Variants in LRP1B observed in about 807,000 individuals in gnomAD.
The protein encoded by LRP1B is LDL receptor related protein 1B.
LRP1B carries 217 observed loss-of-function variants against 556.6 expected under a neutral mutation model. The observed-to-expected ratio is 0.39, with a 90% CI of 0.35 to 0.44. The LOEUF (loss-of-function observed/expected upper bound fraction) is 0.44, where lower values mean the gene tolerates loss of function less well. LRP1B is among the 20% of genes least tolerant of loss of function. LRP1B has a pLI of 1.00. For synonymous variants in LRP1B, 2,047 were observed against 1,865.8 expected (o/e 1.10, Z -2.50); for missense variants, 5,053 against 5,620.8 (o/e 0.90, Z 3.23).
intron 60 of LRP1B, among the ~76,000 whole-genome samples, chr2:140,468,846 C>G (rs1573973066): frequency 6.6e-6 from 1 of 152,184 alleles, no homozygotes; most frequent in East Asian, 1.9e-4. Flanking sequence ...TCCATTACCT[C>G]TTTCTTCTTT....
intron 10 of LRP1B, among the ~76,000 whole-genome samples, chr2:141,050,132 T>C (rs1384864233): frequency 6.6e-6 from 1 of 151,794 alleles, no homozygotes; most frequent in African/African-American, 2.4e-5. Context: ...CTCAGCTGTA[T>C]TTGGATAACA....
At chr2:141,945,728 C>A (rs1374950739) in intron 1 of LRP1B, among the ~76,000 whole-genome samples, 1 of 151,978 alleles carries the variant, frequency 6.6e-6, no homozygotes, top group Non-Finnish European at 1.5e-5. Context: ...CCCTGCCTCC[C>A]CCATTCCAAG....
intron 27 of LRP1B, 115 bp from the exon 28 acceptor site, chr2:140,851,898 C>T: frequency 1.2e-6 from 1 of 801,966 alleles, no homozygotes; most frequent in Non-Finnish European, 1.9e-6. Context: ...CTACATAGAA[C>T]CCATTAGTAG....
chr2:141,327,725 T>TC lies in LRP1B; in HGVS notation c.344-73085dup, dbSNP rs1173126751. ...AATGTTGAAAGTATAGTCTGCCTTT[T>TC]CCTCTTTTCTATATTGCTGGACAGA... On this transcript the variant is annotated intron_variant, in intron 3 of 90. Transcript: ENST00000389484. Among the ~76,000 whole-genome samples, 19 of 152,300 alleles carry TC rather than the reference T, an allele frequency of 1.2e-4. No homozygotes were observed. The East Asian group carries it at 3.7e-3, about 29-fold the overall frequency.
At chr2:140,886,623 TG>T (rs1693643544) in intron 23 of LRP1B, among the ~76,000 whole-genome samples, 1 of 106,634 alleles carries the variant, frequency 9.4e-6, no homozygotes, top group East Asian at 3.2e-4. Flanking sequence ...GAGGATTTTC[TG>T]TTTTTTTTTT....
chr2:141,044,110 A>C (rs574119422), intron 11 of LRP1B, among the ~76,000 whole-genome samples: 253 of 151,902 alleles, frequency 1.7e-3, no homozygotes, highest in Middle Eastern at 3.4e-3. Flanking sequence ...CTCAGAAATA[A>C]CGCCGCATAT....
At chr2:140,481,989 T>G (rs1020761833) in intron 59 of LRP1B, among the ~76,000 whole-genome samples, 11 of 152,176 alleles carry the variant, frequency 7.2e-5, no homozygotes, top group Non-Finnish European at 1.3e-4. Flanking sequence ...AGCTACTTCT[T>G]ACTCTACCAT....
At chr2:141,443,296 ATTTG>A (rs1188262829) in intron 3 of LRP1B, among the ~76,000 whole-genome samples, 14 of 152,108 alleles carry the variant, frequency 9.2e-5, no homozygotes, top group Non-Finnish European at 1.5e-4. Context: ...TTTCTTGTAA[ATTTG>A]TTTAAGTTTC....
At chr2:141,620,739 A>G (rs1381933510) in intron 2 of LRP1B, among the ~76,000 whole-genome samples, 2 of 152,056 alleles carry the variant, frequency 1.3e-5, no homozygotes, top group Admixed American at 6.6e-5. Flanking sequence ...TGTTTTTACC[A>G]CTGTTTTGTT....
chr2:141,230,836 A>C (rs1206182199), intron 5 of LRP1B, among the ~76,000 whole-genome samples: 1 of 152,202 alleles, frequency 6.6e-6, no homozygotes, highest in Non-Finnish European at 1.5e-5. Flanking sequence ...TTATCGTCTA[A>C]AAATCTTAAG....
chr2:140,400,665 G>C (rs1208064551), intron 66 of LRP1B, among the ~76,000 whole-genome samples: 1 of 152,270 alleles, frequency 6.6e-6, no homozygotes, highest in East Asian at 1.9e-4. Flanking sequence ...ATAACGTGTA[G>C]AGATTCACAG....
intron 7 of LRP1B, among the ~76,000 whole-genome samples, chr2:141,185,689 A>AAC (rs988585904): frequency 9.1e-5 from 13 of 142,180 alleles, no homozygotes; most frequent in East Asian, 2.0e-4. Context: ...CAAACAAACA[A>AAC]AAAAAAACAA....
intron 43 of LRP1B, 64 bp from the exon 44 acceptor site, chr2:140,542,035 A>AT (rs1680156344): frequency 1.6e-5 from 17 of 1,065,890 alleles, no homozygotes; most frequent in Non-Finnish European, 2.2e-5. Context: ...GTCCACACCT[A>AT]TTTTTGCTTC....
intron 6 of LRP1B, 53 bp from the exon 7 acceptor site, chr2:141,188,636 G>A (rs1681367896): frequency 2.0e-6 from 3 of 1,491,402 alleles, no homozygotes; most frequent in Non-Finnish European, 2.8e-6. Context: ...CTAGCATCAT[G>A]ATCCAAAAAT....
chr2:140,265,659 T>A (rs943266594), intron 86 of LRP1B, among the ~76,000 whole-genome samples: 2 of 152,120 alleles, frequency 1.3e-5, no homozygotes, highest in African/African-American at 4.8e-5. Flanking sequence ...AAGCAAGCAC[T>A]ATACTGTATC....
At chr2:140,786,644 A>C (rs766632254) in intron 32 of LRP1B, among the ~76,000 whole-genome samples, 11 of 152,148 alleles carry the variant, frequency 7.2e-5, no homozygotes, top group Non-Finnish European at 1.2e-4. Context: ...AGGACAATGA[A>C]GGTAAGATGG....
intron 7 of LRP1B, among the ~76,000 whole-genome samples, chr2:141,132,923 T>C (rs1011830503): frequency 2.6e-5 from 4 of 152,026 alleles, no homozygotes; most frequent in African/African-American, 7.2e-5. Context: ...GTATTATTTC[T>C]CTTGCACAAT....
chr2:141,476,146 G>A (rs926913889), intron 3 of LRP1B, among the ~76,000 whole-genome samples: 2 of 152,174 alleles, frequency 1.3e-5, no homozygotes, highest in African/African-American at 4.8e-5. Flanking sequence ...TCCCCTTCCT[G>A]GAAGGGGTTT....
chr2:141,944,609 G>A (rs1047471345), intron 1 of LRP1B, among the ~76,000 whole-genome samples: 8 of 151,656 alleles, frequency 5.3e-5, no homozygotes, highest in Admixed American at 3.9e-4. Context: ...GTATAAAACT[G>A]GTATAGAGAA....
Sources: allele counts gnomAD v4.1 joint callset (sites outside exome capture counted in the v4.1 genomes callset), GRCh38; gene constraint gnomAD v4.1.1; transcripts MANE v1.5; gene names NCBI Gene and HGNC (gene_info 2026-07-23, HGNC 2026-07-21).